The following KCNAB2 variants were observed in gnomAD, a reference collection of about 807,000 sequenced individuals.
KCNAB2 encodes the protein potassium voltage-gated channel subfamily A regulatory beta subunit 2.
KCNAB2 carries 29 observed loss-of-function variants against 63.6 expected under a neutral mutation model. The ratio of observed to expected loss-of-function variants is 0.46; its 90% CI spans 0.34 to 0.62. The LOEUF (loss-of-function observed/expected upper bound fraction) is 0.62. Ranked by LOEUF, KCNAB2 falls within the 20% of genes least tolerant of loss-of-function variation. The pLI is 0.01. For synonymous variants in KCNAB2, 222 were observed against 224.2 expected (o/e 0.99, Z 0.09); for missense variants, 359 against 563.9 (o/e 0.64, Z 3.68).
At chr1:6,050,373 T>A (rs576014307) in intron 1 of KCNAB2, among the ~76,000 whole-genome samples, 1 of 152,218 alleles carries the variant, frequency 6.6e-6, no homozygotes, top group Non-Finnish European at 1.5e-5. Context: ...GGGGTGAGGG[T>A]CACTGGACTG....
intron 1 of KCNAB2, among the ~76,000 whole-genome samples, chr1:6,036,457 T>C (rs1304419602): frequency 6.6e-6 from 1 of 152,120 alleles, no homozygotes; most frequent in South Asian, 2.1e-4. Flanking sequence ...GAGCTGAGAT[T>C]GTGCCACTGT....
rs1026216980 is a variant in KCNAB2 at position 6,072,494 on chromosome 1, C to G, written c.219-261C>G. 2.0e-5 allele frequency among the ~76,000 whole-genome samples: 3 copies of G among 152,218 alleles called. No individual in the cohort carries two copies. In the East Asian group the frequency reaches 5.8e-4, roughly 29 times the overall value. On this transcript the variant is annotated intron_variant, in intron 2 of 15. Transcript: ENST00000378083. Reference sequence around the variant, plus strand: ...GCGTCCCTGTGCATTTCCATCTGTCCTTGAGACCACTCTGCAGACCCCCAC... The same window carrying G: ...GCGTCCCTGTGCATTTCCATCTGTCGTTGAGACCACTCTGCAGACCCCCAC...
chr1:6,085,886 ACTC>A (rs1664656573), intron 6 of KCNAB2: 1 of 985,834 alleles, frequency 1.0e-6, no homozygotes, highest in South Asian at 4.7e-5. Flanking sequence ...GACGTGTCAC[ACTC>A]CTCTGGGAAG....
At position 6,003,460 on chromosome 1, in the gene KCNAB2, C is replaced by A. The variant is rs916727493; in HGVS notation, c.-53+10672C>A. ...CACCGTCCACCTTCTCCACTCTTAG[C>A]GCGAGCCCTGCCCCAGCCAGGAGCA... On this transcript the variant is annotated intron_variant, in intron 1 of 16. Transcript: ENST00000341524. The surrounding 1 kb of genome is among the most constrained non-coding windows in gnomAD (Gnocchi z 4.1). 6.6e-6 allele frequency among the ~76,000 whole-genome samples: 1 copy of A among 152,202 alleles called. No individual in the cohort carries two copies. The highest frequency in any genetic ancestry group is 1.9e-4 in the East Asian group (1 of 5,194).
chr1:6,063,612 T>G (rs144850330), intron 2 of KCNAB2, among the ~76,000 whole-genome samples: 2 of 152,128 alleles, frequency 1.3e-5, no homozygotes, highest in Non-Finnish European at 2.9e-5. Flanking sequence ...GGTTTCACCA[T>G]GTTAGCCAGG....
intron 1 of KCNAB2, among the ~76,000 whole-genome samples, chr1:6,001,129 T>C (rs1349561012): frequency 3.9e-5 from 6 of 151,980 alleles, no homozygotes; most frequent in Non-Finnish European, 8.8e-5. Flanking sequence ...GGCCGGAACA[T>C]CTTTCACGGA....
At chr1:6,090,119 T>G (rs1276459477) in intron 8 of KCNAB2, among the ~76,000 whole-genome samples, 1 of 152,224 alleles carries the variant, frequency 6.6e-6, no homozygotes, top group Non-Finnish European at 1.5e-5. Flanking sequence ...GTATATTGTC[T>G]GAGGGAGGAG....
At chr1:6,012,673 T>G in intron 1 of KCNAB2, among the ~76,000 whole-genome samples, 1 of 135,612 alleles carries the variant, frequency 7.4e-6, no homozygotes, top group African/African-American at 2.8e-5. Flanking sequence ...AAGGTGGAGG[T>G]GGAGATGGAG....
At chr1:6,088,949 G>C in intron 7 of KCNAB2, 59 bp from the exon 8 acceptor site, 2 of 1,498,578 alleles carry the variant, frequency 1.3e-6, no homozygotes, top group Non-Finnish European at 9.0e-7. Context: ...ACGTTTTTTG[G>C]GAGGGGCCAG....
At position 6,005,800 on chromosome 1, in the gene KCNAB2, A is replaced by G. The variant is rs1657636094; in HGVS notation, c.-53+13012A>G. On this transcript the variant is annotated intron_variant, in intron 1 of 16. Coordinates refer to the KCNAB2 transcript ENST00000341524. ...TCTCCCTGCCCAGGATGCCGGCCGG[A>G]GTTTCCCCTGGCAGGGACCACGGGT... is the stretch of plus-strand genomic sequence containing the variant. 5.3e-5 allele frequency among the ~76,000 whole-genome samples: 8 copies of G among 151,854 alleles called. No homozygotes were observed. In the South Asian group the frequency reaches 1.7e-3, roughly 31 times the overall value.
intron 1 of KCNAB2, among the ~76,000 whole-genome samples, chr1:6,021,543 T>C (rs988846364): frequency 6.6e-6 from 1 of 152,252 alleles, no homozygotes; most frequent in Non-Finnish European, 1.5e-5. Flanking sequence ...AGTGTACAGT[T>C]CAGTGGTATT....
At position 6,035,667 on chromosome 1, in the gene KCNAB2, G is replaced by C. The variant is rs1298059137; in HGVS notation, c.-53+873G>C. On this transcript the variant is annotated intron_variant, in intron 1 of 15. Coordinates refer to the KCNAB2 transcript ENST00000164247. The surrounding 1 kb of genome is among the most constrained non-coding windows in gnomAD (Gnocchi z 5.0). The stretch of plus-strand genomic sequence containing the variant: ...GGGTGAGGGCAGTCGGGAGCTCAGT[G>C]TCTGACCCAGGAATCCGAGGCACAC... Among the ~76,000 whole-genome samples the C allele has an allele frequency of 6.6e-6, 1 of 151,884 alleles. No homozygotes were observed. The highest frequency in any genetic ancestry group is 1.5e-5 in the Non-Finnish European group (1 of 67,972).
intron 1 of KCNAB2, among the ~76,000 whole-genome samples, chr1:6,006,886 C>G (rs1657826475): frequency 6.6e-6 from 1 of 151,882 alleles, no homozygotes; most frequent in South Asian, 2.1e-4. Flanking sequence ...ACCTAAAATA[C>G]AATGATAAGA....
rs1664748896 is a variant in KCNAB2, at chr1:6,086,893, C to T, written c.426-574C>T. Among the ~76,000 whole-genome samples, 1 of 152,034 alleles carries T rather than the reference C, an allele frequency of 6.6e-6. No homozygotes were observed. Among genetic ancestry groups the T allele is most frequent in the Admixed American group, 6.5e-5 (1 of 15,272 alleles). The stretch of plus-strand genomic sequence containing the variant: ...CAGGCCGTCCTTATGCCTCCCCTCC[C>T]TCCCTTGGTGCCCCTCAAGTTACCC... On this transcript the variant is annotated intron_variant, in intron 6 of 15. Coordinates refer to ENST00000378083, the MANE Select transcript of KCNAB2 (RefSeq NM_001199862.2). The surrounding 1 kb of genome is among the most constrained non-coding windows in gnomAD (Gnocchi z 4.2).
In KCNAB2 at chr1:6,050,359, A is replaced by G. The variant is rs1485931279; in HGVS notation, c.-26-1152A>G. ...CTGGGCCATGGCCGAGGCTGCAGTC[A>G]GGTGGGGTGAGGGTCACTGGACTGG... On this transcript the variant is annotated intron_variant, in intron 1 of 15. Coordinates refer to ENST00000378083, the MANE Select transcript of KCNAB2 (RefSeq NM_001199862.2). Among the ~76,000 whole-genome samples the G allele has an allele frequency of 3.3e-5, 5 of 152,212 alleles. No individual in the cohort carries two copies. In the East Asian group the frequency reaches 7.7e-4, roughly 23 times the overall value.
rs138855657 is a variant in KCNAB2, at chr1:6,015,659, A to G, written c.-53+22871A>G. 5.3e-3 allele frequency among the ~76,000 whole-genome samples: 803 copies of G among 152,268 alleles called. 6 individuals are homozygous for G. The highest frequency in any genetic ancestry group is 0.018 in the African/African-American group (731 of 41,550). On this transcript the variant is annotated intron_variant, in intron 1 of 16. Transcript: ENST00000341524. ...TCAGTGTTGGGTTTGCTATGCTAAT[A>G]TTGATTTGGAGCTTTAGAGATTTTT...
At position 6,073,891 on chromosome 1, in the gene KCNAB2, C is replaced by T; in HGVS notation, c.300+121C>T. 9.6e-7 allele frequency: 1 copy of T among 1,043,732 alleles called. No homozygotes were observed. The highest frequency in any genetic ancestry group is 1.5e-6 in the Non-Finnish European group (1 of 677,344). 64.7% of individuals were successfully genotyped at this position (1,043,732 alleles called of 1,614,324 possible). On this transcript the variant is annotated intron_variant, in intron 4 of 15. Transcript: ENST00000378083. This position sits in a 1 kb window ranked among gnomAD's most constrained non-coding sequence, Gnocchi z 5.7. ...GGGAGCCAGCGCAGCAGCCTCCCTC[C>T]CTCTTTCTGTTTTGTGAGGGCGCCC... is the stretch of plus-strand genomic sequence containing the variant.
At chr1:6,098,121 G>C (rs1375830481) in intron 15 of KCNAB2, 2 of 1,016,222 alleles carry the variant, frequency 2.0e-6, no homozygotes, top group South Asian at 8.1e-5. Flanking sequence ...GTGTCACCCG[G>C]AAGGGTGGCG....
At chr1:6,085,806 C>T in intron 6 of KCNAB2, 1 of 985,386 alleles carries the variant, frequency 1.0e-6, no homozygotes, top group Non-Finnish European at 1.2e-6. Flanking sequence ...GTGTGTGGGA[C>T]CGTTCCGGCA....
Sources: gnomAD v4.1 joint callset for allele counts (sites outside exome capture counted in the v4.1 genomes callset) on GRCh38, gnomAD v4.1.1 for gene constraint, Gnocchi (gnomAD v3.1) non-coding constraint, MANE v1.5 for transcripts, NCBI Gene and HGNC (gene_info 2026-07-23, HGNC 2026-07-21) for gene names.